The following SNX30 variants were observed in gnomAD, a reference collection of about 807,000 sequenced individuals.
SNX30 encodes sorting nexin family member 30.
A neutral mutation model predicts 46.4 loss-of-function variants in SNX30; 24 were observed. The observed-to-expected ratio is 0.52, with a 90% CI of 0.37 to 0.73. SNX30 has a LOEUF of 0.73. SNX30 is among the 30% of genes least tolerant of loss of function. The pLI is 0.00. For missense variants in SNX30, 533 were observed against 555.7 expected, an observed-to-expected ratio of 0.96 and a Z score of 0.41; for synonymous variants, 189 against 211.5, an observed-to-expected ratio of 0.89 and a Z score of 0.92.
intron 1 of SNX30, among the ~76,000 whole-genome samples, chr9:112,758,477 G>T (rs565040409): frequency 1.3e-5 from 2 of 152,190 alleles, no homozygotes; most frequent in African/African-American, 4.8e-5. Context: ...CCACAGACGC[G>T]CATCACCATG....
At chr9:112,794,386 C>T (rs1588118601) in intron 1 of SNX30, among the ~76,000 whole-genome samples, 1 of 152,094 alleles carries the variant, frequency 6.6e-6, no homozygotes, top group Admixed American at 6.6e-5. Context: ...CTCCTGACCT[C>T]GTGATCCACC....
At chr9:112,835,704 G>A (rs576499861) in intron 4 of SNX30, among the ~76,000 whole-genome samples, 1 of 152,268 alleles carries the variant, frequency 6.6e-6, no homozygotes, top group East Asian at 1.9e-4. Flanking sequence ...GGGTTAAAAT[G>A]TTTTGCTGTT....
intron 7 of SNX30, among the ~76,000 whole-genome samples, chr9:112,860,135 A>T (rs904905894): frequency 2.6e-5 from 4 of 151,954 alleles, no homozygotes; most frequent in Non-Finnish European, 5.9e-5. Flanking sequence ...TTCAGTACAG[A>T]CAGGGTTTCA....
intron 6 of SNX30, among the ~76,000 whole-genome samples, chr9:112,841,429 T>G (rs1564288275): frequency 6.6e-6 from 1 of 152,218 alleles, no homozygotes; most frequent in Non-Finnish European, 1.5e-5. Context: ...TGGAGTTTCT[T>G]GTTTACTGAG....
chr9:112,820,732 C>T (rs1840479377), intron 3 of SNX30, among the ~76,000 whole-genome samples: 1 of 152,190 alleles, frequency 6.6e-6, no homozygotes, highest in African/African-American at 2.4e-5. Context: ...CACTCATGTA[C>T]TTTCTACAGA....
In SNX30 at chr9:112,865,643, A is replaced by G. The variant is rs868176616; in HGVS notation, c.1254+1244A>G. On this transcript the variant is annotated intron_variant, in intron 8 of 8. Transcript: ENST00000374232. The stretch of plus-strand genomic sequence containing the variant: ...TCACGCCATATATATATATATATAT[A>G]TATATATATATATATATATGTATGT... Among the ~76,000 whole-genome samples, 14 of 83,668 alleles carry G rather than the reference A, an allele frequency of 1.7e-4. 1 individual carries two copies. The highest frequency in any genetic ancestry group is 1.4e-3 in the East Asian group (4 of 2,894). The allele number at this position is 83,668 out of a possible 152,430, so 54.9% of individuals were successfully genotyped here. A position where few individuals can be genotyped will look rare whatever the true frequency, so the allele number is the denominator to read the frequency against.
upstream of SNX30, chr9:112,750,273 G>A (rs1461256621): frequency 6.6e-6 from 1 of 152,300 alleles, no homozygotes; most frequent in Admixed American, 6.5e-5. Context: ...TCCCTTCCAG[G>A]TTCCCCACCC....
chr9:112,774,698 A>G (rs911647993), intron 1 of SNX30, among the ~76,000 whole-genome samples: 1 of 152,182 alleles, frequency 6.6e-6, no homozygotes, highest in Non-Finnish European at 1.5e-5. Flanking sequence ...TTGTGTTTAC[A>G]TGATTACTAA....
At chr9:112,843,065 GA>G (rs1264435719) in intron 6 of SNX30, among the ~76,000 whole-genome samples, 2 of 152,168 alleles carry the variant, frequency 1.3e-5, no homozygotes, top group Non-Finnish European at 2.9e-5. Flanking sequence ...AGGCCCTCTT[GA>G]AGTCCTCACC....
chr9:112,780,850 G>T (rs1260499900), intron 1 of SNX30, among the ~76,000 whole-genome samples: 1 of 152,150 alleles, frequency 6.6e-6, no homozygotes, highest in Non-Finnish European at 1.5e-5. Flanking sequence ...AAATGGATAC[G>T]GTAATGTGCT....
chr9:112,837,241 C>T (rs1428496102), intron 5 of SNX30, among the ~76,000 whole-genome samples: 4 of 151,720 alleles, frequency 2.6e-5, no homozygotes, highest in Non-Finnish European at 4.4e-5. Flanking sequence ...GTACTTGTTC[C>T]CTCTACTTGA....
At chr9:112,781,034 A>G (rs1031800726) in intron 1 of SNX30, among the ~76,000 whole-genome samples, 48 of 152,196 alleles carry the variant, frequency 3.2e-4, no homozygotes, top group African/African-American at 1.1e-3. Context: ...CTTGTTTGCA[A>G]AGTCCTTCCC....
At chr9:112,880,698 G>A (rs1841565370) in intron 5 of SNX30, among the ~76,000 whole-genome samples, 1 of 152,156 alleles carries the variant, frequency 6.6e-6, no homozygotes, top group Non-Finnish European at 1.5e-5. Flanking sequence ...CTGTTACTGT[G>A]CAATGGGCAA....
intron 6 of SNX30, among the ~76,000 whole-genome samples, chr9:112,839,614 C>T (rs79948377): frequency 6.6e-5 from 10 of 152,228 alleles, no homozygotes; most frequent in East Asian, 5.8e-4. Context: ...CAGGAGACTC[C>T]GACGATGGGG....
chr9:112,840,786 C>CTT (rs1367432295), intron 6 of SNX30, among the ~76,000 whole-genome samples: 1 of 134,954 alleles, frequency 7.4e-6, no homozygotes, highest in Non-Finnish European at 1.6e-5. Flanking sequence ...GCTGATATTT[C>CTT]TTTTTTTTTT....
chr9:112,814,810 G>A (rs547777935), intron 2 of SNX30, among the ~76,000 whole-genome samples: 17 of 152,244 alleles, frequency 1.1e-4, no homozygotes, highest in Non-Finnish European at 2.2e-4. Context: ...CTATCTTTAG[G>A]AATTTATTTT....
At chr9:112,846,687 A>G (rs1840944451) in intron 6 of SNX30, among the ~76,000 whole-genome samples, 1 of 152,136 alleles carries the variant, frequency 6.6e-6, no homozygotes, top group African/African-American at 2.4e-5. Context: ...GGCCTACAGG[A>G]ATATGAACCA....
At chr9:112,864,122 A>T in intron 7 of SNX30, 125 bp from the exon 8 acceptor site, 1 of 1,000,508 alleles carries the variant, frequency 1.0e-6, no homozygotes, top group Non-Finnish European at 1.5e-6. Flanking sequence ...CCTCCAGAGG[A>T]GGGAGCGTGT....
At chr9:112,815,857 T>C (rs1395839640) in intron 2 of SNX30, among the ~76,000 whole-genome samples, 5 of 152,198 alleles carry the variant, frequency 3.3e-5, no homozygotes, top group African/African-American at 1.2e-4. Context: ...GCTTTTGTTT[T>C]TTTGAGACAA....
Sources: allele counts gnomAD v4.1 joint callset (sites outside exome capture counted in the v4.1 genomes callset), GRCh38; gene constraint gnomAD v4.1.1; transcripts MANE v1.5; gene names NCBI Gene and HGNC (gene_info 2026-07-23, HGNC 2026-07-21).